The following ACSL5 variants were observed in gnomAD, a reference collection of about 807,000 sequenced individuals.
ACSL5 encodes the protein long-chain-fatty-acid--CoA ligase 5.
Under a neutral mutation model 84.9 loss-of-function variants are expected in ACSL5, and 50 were observed. The observed-to-expected ratio is 0.59, with a 90% CI of 0.47 to 0.75. ACSL5 has a LOEUF of 0.75. Ranked by LOEUF, ACSL5 falls within the 30% of genes least tolerant of loss-of-function variation. The pLI is 0.00. For synonymous variants in ACSL5, 280 were observed against 300.7 expected (o/e 0.93, Z 0.71); for missense variants, 775 against 830.4 (o/e 0.93, Z 0.82).
At position 112,427,316 on chromosome 10, in the gene ACSL5, T is replaced by G. The variant is rs773700434; in HGVS notation, c.2010T>G (p.Phe670Leu). 1 of 1,613,828 alleles carries G rather than the reference T, an allele frequency of 6.2e-7. No homozygotes were observed. Among genetic ancestry groups the G allele is most frequent in the East Asian group, 2.2e-5 (1 of 44,862 alleles). The change falls in exon 21 of 21, where the codon TTT becomes TTG. Residue 670 changes from phenylalanine (F) to leucine (L), a missense_variant. By Grantham distance (22) the Phe-to-Leu change is conservative (BLOSUM62 0). Transcript: ENST00000354655. ...AGCGAGGAGAGCTTTCCAAATACTT[T>G]CGGACCCAAATTGACAGCCTGTATG... Reference protein sequence around the residue: ...KAKRGELSKYFRTQIDSLYEH... With the variant: ...KAKRGELSKYLRTQIDSLYEH...
intron 12 of ACSL5, among the ~76,000 whole-genome samples, chr10:112,415,055 C>G (rs17129773): frequency 0.027 from 4,181 of 152,266 alleles, 101 homozygotes; most frequent in East Asian, 0.12. Flanking sequence ...CAGTTTCTTA[C>G]CATGCTACGC....
chr10:112,424,538 A>G (rs1019565050), intron 17 of ACSL5: 1 of 152,256 alleles, frequency 6.6e-6, no homozygotes, highest in Admixed American at 6.5e-5. Context: ...TGTAAGCAAC[A>G]GATATGTCCC....
chr10:112,416,566 T>TTTTG (rs565682721), intron 12 of ACSL5, among the ~76,000 whole-genome samples: 11 of 152,174 alleles, frequency 7.2e-5, no homozygotes, highest in African/African-American at 2.2e-4. Context: ...GAGCTGTGTT[T>TTTTG]TTTGTTTGTT....
intron 3 of ACSL5, among the ~76,000 whole-genome samples, chr10:112,401,868 CTTT>C (rs1428976335): frequency 7.9e-6 from 1 of 126,164 alleles, no homozygotes; most frequent in Non-Finnish European, 1.7e-5. Flanking sequence ...TTCTTTCTTT[CTTT>C]TTCTTTCTTT....
intron 17 of ACSL5, among the ~76,000 whole-genome samples, chr10:112,422,821 A>T (rs1481882169): frequency 3.4e-5 from 5 of 146,800 alleles, no homozygotes; most frequent in African/African-American, 5.1e-5. Context: ...GTGCCACTGC[A>T]CTCCAGCCTG....
intron 12 of ACSL5, 120 bp from the exon 13 acceptor site, chr10:112,416,768 T>TGACTGTGA (rs1844324097): frequency 9.0e-7 from 1 of 1,111,996 alleles, no homozygotes; most frequent in Middle Eastern, 2.1e-4. Context: ...ATCCAATTCA[T>TGACTGTGA]GACTGTGAGA....
chr10:112,379,780 C>T (rs563190135), intron 1 of ACSL5, among the ~76,000 whole-genome samples: 2 of 152,316 alleles, frequency 1.3e-5, no homozygotes, highest in Admixed American at 6.5e-5. Flanking sequence ...TGGAAGGGCA[C>T]GACCTTGAAA....
chr10:112,412,034 A>C (rs1844191159), intron 11 of ACSL5, 55 bp downstream of exon 11: 3 of 1,495,598 alleles, frequency 2.0e-6, no homozygotes, highest in Non-Finnish European at 1.9e-6. Context: ...ACTTGCTATC[A>C]CATGTTTATT....
intron 18 of ACSL5, 24 bp from the exon 19 acceptor site, chr10:112,426,234 G>C: frequency 6.3e-7 from 1 of 1,592,722 alleles, no homozygotes; most frequent in South Asian, 1.1e-5. Context: ...TCATGCCCTT[G>C]CACCTTTTAT....
chr10:112,411,054 C>G (rs1038814752), intron 9 of ACSL5, among the ~76,000 whole-genome samples: 5 of 152,140 alleles, frequency 3.3e-5, no homozygotes, highest in African/African-American at 9.7e-5. Flanking sequence ...CCATCATGGT[C>G]TACAGTTATA....
At position 112,386,181 on chromosome 10, in the gene ACSL5, C is replaced by CT. The variant is rs11286757; in HGVS notation, c.-29-8707dup. Among the ~76,000 whole-genome samples the CT allele has an allele frequency of 1.7e-3, 122 of 71,834 alleles. 5 individuals are homozygous for CT. The highest frequency in any genetic ancestry group is 4.7e-3 in the African/African-American group (83 of 17,764). The allele number at this position is 71,834 out of a possible 152,430, so 47.1% of individuals were successfully genotyped here. A position where few individuals can be genotyped will look rare whatever the true frequency, so the allele number is the denominator to read the frequency against. Reference sequence around the variant, plus strand: ...TGACCAATAGAAAACTCCTATAGCTCTTTTTTTTTTTTTTTTTTTTTTTTT... The same window carrying CT: ...TGACCAATAGAAAACTCCTATAGCTCTTTTTTTTTTTTTTTTTTTTTTTTTT... On this transcript the variant is annotated intron_variant, in intron 1 of 20. Coordinates refer to ENST00000354655, the MANE Select transcript of ACSL5 (RefSeq NM_203379.2).
Position 112,421,646 on chromosome 10 carries a change from A to G in ACSL5, c.1368A>G (p.Leu456=). ...TECTGGCTFT[L]PGDWTSGHVG... is the part of the protein sequence containing the mutation. ...GCACAGGTGGCTGTACATTTACATTACCTGGGGACTGGACATCAGGTAAGT... is the reference window on the plus strand; with the variant it reads ...GCACAGGTGGCTGTACATTTACATTGCCTGGGGACTGGACATCAGGTAAGT... The change falls in exon 15 of 21, where the codon TTA becomes TTG. Residue 456 remains leucine, a synonymous_variant. Coordinates refer to ENST00000354655, the MANE Select transcript of ACSL5 (RefSeq NM_203379.2). 1 of 1,614,084 alleles carries G rather than the reference A, an allele frequency of 6.2e-7. No individual in the cohort carries two copies. The highest frequency in any genetic ancestry group is 2.2e-5 in the East Asian group (1 of 44,880).
intron 17 of ACSL5, among the ~76,000 whole-genome samples, chr10:112,422,684 C>A (rs973626155): frequency 9.9e-5 from 15 of 151,776 alleles, no homozygotes; most frequent in African/African-American, 3.6e-4. Flanking sequence ...GGTGAAACTC[C>A]GTCTCTACTA....
At chr10:112,393,242 G>A (rs937873387) in intron 1 of ACSL5, among the ~76,000 whole-genome samples, 2 of 152,046 alleles carry the variant, frequency 1.3e-5, no homozygotes, top group African/African-American at 4.8e-5. Flanking sequence ...AGCACCCATG[G>A]GACCTGGCTT....
chr10:112,426,780 A>G lies in ACSL5; in HGVS notation c.1840-8A>G. On this transcript the variant is annotated splice_region_variant and splice_polypyrimidine_tract_variant and intron_variant, in intron 19 of 20. Coordinates refer to ENST00000354655, the MANE Select transcript of ACSL5 (RefSeq NM_203379.2). ...AGCCATGCTTTAAGTGATGTTTTGTATTCTTAGGTTGTAAGGGAAGCCATT... is the reference window on the plus strand; with the variant it reads ...AGCCATGCTTTAAGTGATGTTTTGTGTTCTTAGGTTGTAAGGGAAGCCATT... 1 of 1,613,426 alleles carries G rather than the reference A, an allele frequency of 6.2e-7. No homozygotes were observed. The highest frequency in any genetic ancestry group is 8.5e-7 in the Non-Finnish European group (1 of 1,179,428).
chr10:112,387,902 T>C (rs111861148), intron 1 of ACSL5, among the ~76,000 whole-genome samples: 1 of 148,560 alleles, frequency 6.7e-6, no homozygotes, highest in African/African-American at 2.4e-5. Flanking sequence ...TCTCCAGGCC[T>C]AAAAGCAAAG....
At chr10:112,421,175 T>C (rs1844452936) in intron 14 of ACSL5, among the ~76,000 whole-genome samples, 1 of 151,814 alleles carries the variant, frequency 6.6e-6, no homozygotes, top group African/African-American at 2.4e-5. Flanking sequence ...TGTTTGTTTT[T>C]TGAGACGGAG....
chr10:112,377,241 T>C (rs183925075), intron 1 of ACSL5, among the ~76,000 whole-genome samples: 42 of 152,262 alleles, frequency 2.8e-4, no homozygotes, highest in African/African-American at 9.1e-4. Context: ...AGGCAGAGTC[T>C]TAAAAAATAA....
intron 15 of ACSL5, 68 bp downstream of exon 15, chr10:112,421,733 T>C: frequency 3.3e-6 from 5 of 1,513,144 alleles, no homozygotes; most frequent in Non-Finnish European, 4.6e-6. Flanking sequence ...AACTAGGACT[T>C]TGGAGTTTAG....
Sources: gnomAD v4.1 joint callset for allele counts (sites outside exome capture counted in the v4.1 genomes callset) on GRCh38, gnomAD v4.1.1 for gene constraint, MANE v1.5 for transcripts, NCBI Gene and HGNC (gene_info 2026-07-23, HGNC 2026-07-21) for gene names.